The following C4orf17 variants were observed in gnomAD, a reference collection of about 807,000 sequenced individuals.
C4orf17 encodes uncharacterized protein C4orf17.
In C4orf17, 25 loss-of-function variants were observed where a neutral mutation model predicts 32.0. The observed-to-expected ratio is 0.78, with a 90% CI of 0.57 to 1.09. The LOEUF (loss-of-function observed/expected upper bound fraction) is 1.09, where lower values mean the gene tolerates loss of function less well. Ranked by LOEUF, C4orf17 falls within the 50% of genes least tolerant of loss-of-function variation. The pLI, the probability that C4orf17 is intolerant of heterozygous loss-of-function variation, is 0.00. For missense variants in C4orf17, 420 were observed against 420.0 expected, an observed-to-expected ratio of 1.00 and a Z score of 0.00; for synonymous variants, 149 against 145.8, an observed-to-expected ratio of 1.02 and a Z score of -0.16.
At chr4:99,522,896 A>C (rs750738704) in intron 3 of C4orf17, among the ~76,000 whole-genome samples, 187 bp downstream of exon 3, 1 of 152,200 alleles carries the variant, frequency 6.6e-6, no homozygotes, top group Non-Finnish European at 1.5e-5. Context: ...AATGATGTCA[A>C]AAATGTTATT....
chr4:99,523,334 T>C (rs756829837), intron 3 of C4orf17, among the ~76,000 whole-genome samples: 18 of 152,242 alleles, frequency 1.2e-4, no homozygotes, highest in Non-Finnish European at 1.8e-4. Context: ...TCTTGCCCCA[T>C]ACAATTTACA....
In C4orf17 at chr4:99,511,274, T is replaced by C. The variant is rs1723089563; in HGVS notation, c.-94+2T>C. 1 of 152,198 alleles carries C rather than the reference T, an allele frequency of 6.6e-6. No individual in the cohort carries two copies. The highest frequency in any genetic ancestry group is 2.1e-4 in the South Asian group (1 of 4,826). 9.4% of individuals were successfully genotyped at this position (152,198 alleles called of 1,614,324 possible). A position where few individuals can be genotyped will look rare whatever the true frequency, so the allele number is the denominator to read the frequency against. ...ACCTGCTTTTAATATTGTCCTCAGG[T>C]ATAATTTTAAATTCATCATTACAAT... is the stretch of plus-strand genomic sequence containing the variant. On this transcript the variant is annotated splice_donor_variant, in intron 1 of 8. Coordinates refer to ENST00000326581, the MANE Select transcript of C4orf17 (RefSeq NM_032149.3). LOFTEE classifies it low-confidence loss of function (5UTR_SPLICE).
chr4:99,536,365 C>T (rs1723562781), intron 5 of C4orf17, among the ~76,000 whole-genome samples: 1 of 152,226 alleles, frequency 6.6e-6, no homozygotes, highest in African/African-American at 2.4e-5. Context: ...GCCTCTCCCC[C>T]AAGGGGCTCT....
rs571534119 is a variant in C4orf17, at chr4:99,523,032, G to A, written c.337+323G>A. ...CACTGATGGGGAAATGATGTCAGAC[G>A]AAAATCGAGTCCTGGAAACACAGTA... On this transcript the variant is annotated intron_variant, in intron 3 of 8. Transcript: ENST00000326581. 2.0e-5 allele frequency among the ~76,000 whole-genome samples: 3 copies of A among 152,164 alleles called. No individual in the cohort carries two copies. The South Asian group carries it at 6.2e-4, about 32-fold the overall frequency.
At chr4:99,518,576 GAGAGA>G (rs1723234362) in intron 2 of C4orf17, among the ~76,000 whole-genome samples, 2 of 124,690 alleles carry the variant, frequency 1.6e-5, no homozygotes, top group Non-Finnish European at 1.6e-5. Flanking sequence ...GAGAGAGAGA[GAGAGA>G]GAGGGAGGGA....
At chr4:99,535,280 C>T (rs116392259) in intron 5 of C4orf17, among the ~76,000 whole-genome samples, 6,536 of 152,146 alleles carry the variant, frequency 0.043, 154 homozygotes, top group Non-Finnish European at 0.056. Context: ...TGAATGTTGG[C>T]CTGTCTTGGT....
intron 4 of C4orf17, among the ~76,000 whole-genome samples, chr4:99,528,381 C>A (rs1723425276): frequency 6.6e-6 from 1 of 152,064 alleles, no homozygotes; most frequent in African/African-American, 2.4e-5. Flanking sequence ...TATCTTATTG[C>A]TGTTTTTCTA....
At chr4:99,538,160 G>A (rs1560591580) in intron 6 of C4orf17, among the ~76,000 whole-genome samples, 1 of 152,212 alleles carries the variant, frequency 6.6e-6, no homozygotes, top group Non-Finnish European at 1.5e-5. Context: ...TATCCAACCT[G>A]TAACAGCTCT....
In C4orf17 at chr4:99,542,034, A is replaced by G; in HGVS notation, c.1005A>G (p.Pro335=). The part of the protein sequence containing the change: ...PNTQESGSAK[P]VSARSIQEYN... ...CTCAGGAGAGTGGATCAGCAAAACC[A>G]GTGTCAGCAAGGAGTATACAAGAAT... is the stretch of plus-strand genomic sequence containing the variant. The change falls in exon 9 of 9, where the codon CCA becomes CCG. Residue 335 remains proline (P), a synonymous_variant. Coordinates refer to ENST00000326581, the MANE Select transcript of C4orf17 (RefSeq NM_032149.3). The G allele has an allele frequency of 6.2e-7, 1 of 1,614,152 alleles. No homozygotes were observed. The highest frequency in any genetic ancestry group is 1.7e-5 in the Admixed American group (1 of 60,028).
intron 4 of C4orf17, among the ~76,000 whole-genome samples, chr4:99,527,146 C>T (rs1283386550): frequency 6.6e-6 from 1 of 151,988 alleles, no homozygotes; most frequent in Non-Finnish European, 1.5e-5. Flanking sequence ...TTAATTTCTT[C>T]TTTCACCCAT....
At position 99,528,868 on chromosome 4, in the gene C4orf17, A is replaced by G. The variant is rs554969141; in HGVS notation, c.403-947A>G. ...GGGGATTATCACAATTCAAGGTGAC[A>G]TTTGGGAGGGGACACAGAGCCAACC... On this transcript the variant is annotated intron_variant, in intron 4 of 8. Transcript: ENST00000326581. 9.2e-5 allele frequency among the ~76,000 whole-genome samples: 14 copies of G among 152,260 alleles called. No homozygotes were observed. In the South Asian group the frequency reaches 1.0e-3, roughly 11 times the overall value.
In C4orf17 at chr4:99,528,402, T is replaced by G. The variant is rs774417403; in HGVS notation, c.403-1413T>G. ...ATTGCTGTTTTTCTAACTCATTTTATCTTTCTAATATATGTATTTTAAAGC... is the reference window on the plus strand; with the variant it reads ...ATTGCTGTTTTTCTAACTCATTTTAGCTTTCTAATATATGTATTTTAAAGC... On this transcript the variant is annotated intron_variant, in intron 4 of 8. Transcript: ENST00000326581. Among the ~76,000 whole-genome samples, 3 of 152,334 alleles carry G rather than the reference T, an allele frequency of 2.0e-5. No individual in the cohort carries two copies. In the South Asian group the frequency reaches 6.2e-4, roughly 32 times the overall value.
intron 4 of C4orf17, among the ~76,000 whole-genome samples, chr4:99,527,276 T>C (rs1723405608): frequency 6.6e-6 from 1 of 152,200 alleles, no homozygotes; most frequent in Non-Finnish European, 1.5e-5. Flanking sequence ...GTATACTTTG[T>C]AATGTTTTAA....
intron 2 of C4orf17, among the ~76,000 whole-genome samples, chr4:99,520,183 G>A (rs966246369): frequency 6.6e-5 from 10 of 151,292 alleles, no homozygotes; most frequent in East Asian, 5.9e-4. Flanking sequence ...TCCGCCTCGC[G>A]GGTTCATGCC....
At chr4:99,527,231 C>T (rs1723404779) in intron 4 of C4orf17, among the ~76,000 whole-genome samples, 1 of 152,034 alleles carries the variant, frequency 6.6e-6, no homozygotes, top group Non-Finnish European at 1.5e-5. Context: ...TTATTAATTC[C>T]AATTTAATCC....
At chr4:99,525,667 C>G (rs915143832) in intron 4 of C4orf17, among the ~76,000 whole-genome samples, 3 of 151,928 alleles carry the variant, frequency 2.0e-5, no homozygotes, top group East Asian at 3.9e-4. Context: ...TGGTGGTACG[C>G]GCCTGTAGTC....
intron 4 of C4orf17, among the ~76,000 whole-genome samples, chr4:99,529,017 T>C (rs1723435786): frequency 6.6e-6 from 1 of 152,224 alleles, no homozygotes. Flanking sequence ...ACAAAGTCTG[T>C]ATAATAAACT....
intron 4 of C4orf17, among the ~76,000 whole-genome samples, chr4:99,528,212 A>G (rs1723422142): frequency 2.0e-5 from 2 of 98,568 alleles, no homozygotes; most frequent in East Asian, 5.3e-4. Context: ...CTCAATTAAA[A>G]GAAGTTTATA....
intron 2 of C4orf17, among the ~76,000 whole-genome samples, chr4:99,520,385 G>T (rs576365710): frequency 6.6e-6 from 1 of 152,082 alleles, no homozygotes; most frequent in Admixed American, 6.5e-5. Context: ...GTGAGCCACC[G>T]CAACCAGCCA....
Sources: gnomAD v4.1 joint callset for allele counts (sites outside exome capture counted in the v4.1 genomes callset) on GRCh38, gnomAD v4.1.1 for gene constraint, MANE v1.5 for transcripts, NCBI Gene and HGNC (gene_info 2026-07-23, HGNC 2026-07-21) for gene names.